GOLPH3L: variants seen among roughly 807,000 people sequenced by gnomAD.
GOLPH3L encodes the protein Golgi phosphoprotein 3-like.
A neutral mutation model predicts 30.3 loss-of-function variants in GOLPH3L; 22 were observed. The observed-to-expected ratio is 0.73, with a 90% CI of 0.52 to 1.04. GOLPH3L has a LOEUF of 1.04. Ranked by LOEUF, GOLPH3L falls within the 50% of genes least tolerant of loss-of-function variation. The pLI is 0.00. For synonymous variants in GOLPH3L, 120 were observed against 128.2 expected (o/e 0.94, Z 0.43); for missense variants, 303 against 345.8 (o/e 0.88, Z 0.98).
rs140239512 is a variant in GOLPH3L at position 150,646,876 on chromosome 1, A to G, written c.*1445T>C. The G allele has an allele frequency of 6.6e-6, 1 of 152,318 alleles. No individual in the cohort carries two copies. Among genetic ancestry groups the G allele is most frequent in the East Asian group, 1.9e-4 (1 of 5,188 alleles). The allele number at this position is 152,318 out of a possible 1,614,324, so 9.4% of individuals were successfully genotyped here. A position where few individuals can be genotyped will look rare whatever the true frequency, so the allele number is the denominator to read the frequency against. On this transcript the variant is annotated 3_prime_UTR_variant, in exon 5 of 5. Transcript: ENST00000271732. Reference sequence around the variant, plus strand: ...TATATCCTCAAATACTGGACTTTATATCAGCATGCTTTCAATACCAAATTA... The same window carrying G: ...TATATCCTCAAATACTGGACTTTATGTCAGCATGCTTTCAATACCAAATTA...
chr1:150,695,361 T>G (rs950567759), intron 1 of GOLPH3L, among the ~76,000 whole-genome samples: 1 of 152,172 alleles, frequency 6.6e-6, no homozygotes, highest in Admixed American at 6.5e-5. Context: ...GGTCTTGAAC[T>G]CCTGACCTCA....
intron 2 of GOLPH3L, among the ~76,000 whole-genome samples, chr1:150,677,921 T>C (rs1294035500): frequency 6.6e-6 from 1 of 151,520 alleles, no homozygotes; most frequent in African/African-American, 2.4e-5. Flanking sequence ...CCACCACACC[T>C]GGCCTCAAAC....
chr1:150,653,821 G>A (rs1328924779), intron 4 of GOLPH3L, among the ~76,000 whole-genome samples: 8 of 150,528 alleles, frequency 5.3e-5, no homozygotes, highest in Admixed American at 1.3e-4. Context: ...GGAGTGCAGC[G>A]GCACAATCTT....
intron 1 of GOLPH3L, among the ~76,000 whole-genome samples, chr1:150,695,117 T>G (rs1651318300): frequency 6.6e-6 from 1 of 152,142 alleles, no homozygotes; most frequent in African/African-American, 2.4e-5. Context: ...CTTTCAAGCC[T>G]GTTGACTTCT....
intron 2 of GOLPH3L, among the ~76,000 whole-genome samples, chr1:150,692,985 A>G (rs1183076433): frequency 6.6e-6 from 1 of 152,130 alleles, no homozygotes; most frequent in Non-Finnish European, 1.5e-5. Flanking sequence ...TATTTATATC[A>G]CCTAATCTTC....
chr1:150,689,656 A>C (rs895731932), intron 2 of GOLPH3L, among the ~76,000 whole-genome samples: 14 of 152,130 alleles, frequency 9.2e-5, no homozygotes, highest in Non-Finnish European at 5.9e-5. Flanking sequence ...TAATTAGTTT[A>C]TATTTTTTGA....
chr1:150,680,107 G>T (rs1271364060), intron 2 of GOLPH3L, among the ~76,000 whole-genome samples: 1 of 152,122 alleles, frequency 6.6e-6, no homozygotes, highest in Non-Finnish European at 1.5e-5. Flanking sequence ...GGACGCTTCT[G>T]CAACAGTTTA....
At chr1:150,652,857 A>G (rs985870509) in intron 4 of GOLPH3L, among the ~76,000 whole-genome samples, 2 of 152,206 alleles carry the variant, frequency 1.3e-5, no homozygotes, top group African/African-American at 2.4e-5. Context: ...ATCCACAGGA[A>G]GAAATGAAGA....
chr1:150,671,245 A>G (rs79294296), intron 2 of GOLPH3L, among the ~76,000 whole-genome samples: 16 of 145,386 alleles, frequency 1.1e-4, no homozygotes, highest in African/African-American at 3.5e-4. Context: ...CCATCTCAAG[A>G]AAAAAAAAAA....
At chr1:150,659,675 C>T (rs587686283) in intron 4 of GOLPH3L, among the ~76,000 whole-genome samples, 7 of 152,202 alleles carry the variant, frequency 4.6e-5, no homozygotes, top group South Asian at 2.1e-4. Context: ...ATTCCTCTAG[C>T]GCCACTGGGT....
chr1:150,683,784 C>T (rs1331135855), intron 2 of GOLPH3L, among the ~76,000 whole-genome samples: 1 of 136,832 alleles, frequency 7.3e-6, no homozygotes, highest in Non-Finnish European at 1.5e-5. Flanking sequence ...AAAAAAATCA[C>T]ATCATTAGAC....
At chr1:150,661,401 C>G (rs1571038352) in intron 4 of GOLPH3L, among the ~76,000 whole-genome samples, 1 of 151,988 alleles carries the variant, frequency 6.6e-6, no homozygotes, top group Non-Finnish European at 1.5e-5. Flanking sequence ...TTCACAATAC[C>G]CAAAATGTGG....
chr1:150,673,685 T>A lies in GOLPH3L; in HGVS notation c.184-9922A>T, dbSNP rs192616683. On this transcript the variant is annotated intron_variant, in intron 2 of 4. Coordinates refer to ENST00000271732, the MANE Select transcript of GOLPH3L (RefSeq NM_018178.6). ...GGCTCACGCCAGTAATCCTAGTACTTTGGGAGGCCAAGGTGGGAGTACTGC... is the reference window on the plus strand; with the variant it reads ...GGCTCACGCCAGTAATCCTAGTACTATGGGAGGCCAAGGTGGGAGTACTGC... Among the ~76,000 whole-genome samples, 215 of 152,102 alleles carry A rather than the reference T, an allele frequency of 1.4e-3. 1 individual carries two copies. The highest frequency in any genetic ancestry group is 0.013 in the Admixed American group (192 of 15,264).
At position 150,654,271 on chromosome 1, in the gene GOLPH3L, C is replaced by A. The variant is rs113803475; in HGVS notation, c.431-5523G>T. Among the ~76,000 whole-genome samples, 822 of 151,576 alleles carry A rather than the reference C, an allele frequency of 5.4e-3. 2 individuals carry two copies. Among genetic ancestry groups the A allele is most frequent in the Admixed American group, 0.011 (173 of 15,228 alleles). Reference sequence around the variant, plus strand: ...CCTGTAATCCCAGCACTTTGGGAGGCCAAGGTGGGTGAGTCACTTGAGGTC... The same window carrying A: ...CCTGTAATCCCAGCACTTTGGGAGGACAAGGTGGGTGAGTCACTTGAGGTC... On this transcript the variant is annotated intron_variant, in intron 4 of 4. Transcript: ENST00000271732.
At chr1:150,679,006 A>G (rs11808191) in intron 2 of GOLPH3L, among the ~76,000 whole-genome samples, 1,830 of 152,284 alleles carry the variant, frequency 0.012, 15 homozygotes, top group Non-Finnish European at 0.018. Flanking sequence ...TTCTTTTTTT[A>G]ATGTTGTTAA....
intron 2 of GOLPH3L, among the ~76,000 whole-genome samples, chr1:150,693,452 A>T (rs1246590004): frequency 6.6e-6 from 1 of 152,160 alleles, no homozygotes; most frequent in African/African-American, 2.4e-5. Context: ...CCAGTAATAA[A>T]TATACCTCTT....
chr1:150,693,860 T>A (rs1651277825), intron 2 of GOLPH3L, among the ~76,000 whole-genome samples: 2 of 90,378 alleles, frequency 2.2e-5, no homozygotes, highest in African/African-American at 9.3e-5. Flanking sequence ...TTTTTTTTTT[T>A]TTTTTTTTTT....
At chr1:150,650,891 A>G (rs1650089542) in intron 4 of GOLPH3L, among the ~76,000 whole-genome samples, 1 of 152,258 alleles carries the variant, frequency 6.6e-6, no homozygotes, top group Non-Finnish European at 1.5e-5. Context: ...GGCAATGGAA[A>G]CTGCCTTTGA....
At chr1:150,671,613 C>G (rs1650645837) in intron 2 of GOLPH3L, among the ~76,000 whole-genome samples, 1 of 151,996 alleles carries the variant, frequency 6.6e-6, no homozygotes, top group Admixed American at 6.6e-5. Context: ...TGAGACCAGC[C>G]TGGCCAACAT....
Sources: gnomAD v4.1 joint callset for allele counts (sites outside exome capture counted in the v4.1 genomes callset) on GRCh38, gnomAD v4.1.1 for gene constraint, MANE v1.5 for transcripts, NCBI Gene and HGNC (gene_info 2026-07-23, HGNC 2026-07-21) for gene names.